The following ADAMTS17 variants were observed in gnomAD, a reference collection of about 807,000 sequenced individuals.
ADAMTS17 encodes ADAM metallopeptidase with thrombospondin type 1 motif 17, also known as A disintegrin and metalloproteinase with thrombospondin motifs 17.
ADAMTS17 carries 113 observed loss-of-function variants against 141.5 expected under a neutral mutation model. That is an observed-to-expected ratio of 0.80 (90% CI 0.69 to 0.93). The LOEUF is 0.93. Ranked by LOEUF, ADAMTS17 falls within the 40% of genes least tolerant of loss-of-function variation. The probability of loss-of-function intolerance (pLI) is 0.00; values close to 1 mark genes in which losing one functional copy is unlikely to be tolerated. For missense variants in ADAMTS17, 1,659 were observed against 1,517.9 expected (o/e 1.09, Z -1.54); for synonymous variants, 768 against 630.6 (o/e 1.22, Z -3.27).
At position 99,974,471 on chromosome 15, in the gene ADAMTS17, G is replaced by A. The variant is rs78682885; in HGVS notation, c.3219C>T (p.Tyr1073=). Residue 1073 remains tyrosine, a synonymous_variant, in exon 22 of 22, where the codon TAC becomes TAT. Transcript: ENST00000268070. ...EKNLCQDMRW[Y]QRCCQTCRDF... ...CCCTGCAGGTCTGGCAGCAGCGCTG[G>A]TACCACCGCATGTCCTGGCAGAGGT... is the stretch of plus-strand genomic sequence containing the variant. 4.6e-3 allele frequency: 7,421 copies of A among 1,614,172 alleles called. 288 individuals carry two copies. The African/African-American group carries it at 0.082, about 18-fold the overall frequency.
At chr15:100,285,821 C>A (rs2044428697) in intron 3 of ADAMTS17, among the ~76,000 whole-genome samples, 3 of 152,128 alleles carry the variant, frequency 2.0e-5, no homozygotes, top group Non-Finnish European at 4.4e-5. Flanking sequence ...GCCATGGATG[C>A]CCAGCCCCCA....
chr15:100,159,142 A>C (rs533064874), intron 8 of ADAMTS17, among the ~76,000 whole-genome samples: 1 of 152,358 alleles, frequency 6.6e-6, no homozygotes, highest in East Asian at 1.9e-4. Context: ...AAAAAATTGA[A>C]ACCAGAATCT....
At chr15:100,118,322 G>A (rs1307118220) in intron 12 of ADAMTS17, among the ~76,000 whole-genome samples, 1 of 152,206 alleles carries the variant, frequency 6.6e-6, no homozygotes, top group Non-Finnish European at 1.5e-5. Flanking sequence ...GCCAACTCCT[G>A]GTCTACCCAG....
At chr15:100,280,411 G>T (rs569645305) in intron 4 of ADAMTS17, among the ~76,000 whole-genome samples, 1 of 152,060 alleles carries the variant, frequency 6.6e-6, no homozygotes, top group South Asian at 2.1e-4. Flanking sequence ...ACTCACGCCA[G>T]CCCCAATGCT....
intron 8 of ADAMTS17, among the ~76,000 whole-genome samples, chr15:100,194,919 G>A (rs577448673): frequency 4.6e-5 from 7 of 152,270 alleles, no homozygotes; most frequent in South Asian, 4.1e-4. Flanking sequence ...GCTTTCTAAC[G>A]GCCACCGCAG....
At chr15:100,291,977 T>A (rs968941865) in intron 3 of ADAMTS17, among the ~76,000 whole-genome samples, 3 of 152,284 alleles carry the variant, frequency 2.0e-5, no homozygotes, top group African/African-American at 4.8e-5. Context: ...CAACTAAAGG[T>A]CAACACGGTA....
intron 2 of ADAMTS17, chr15:100,339,113 C>T (rs570367857): frequency 1.4e-5 from 14 of 985,494 alleles, no homozygotes; most frequent in Admixed American, 1.2e-4. Context: ...GAGGTACAAC[C>T]GCCACTGGCA....
At chr15:100,218,699 T>C (rs1180797980) in intron 7 of ADAMTS17, among the ~76,000 whole-genome samples, 1 of 152,168 alleles carries the variant, frequency 6.6e-6, no homozygotes, top group Admixed American at 6.5e-5. Flanking sequence ...AGAATTACCA[T>C]CTGATTCAAG....
At chr15:100,207,427 A>G (rs557692982) in intron 7 of ADAMTS17, among the ~76,000 whole-genome samples, 1 of 152,288 alleles carries the variant, frequency 6.6e-6, no homozygotes, top group African/African-American at 2.4e-5. Flanking sequence ...TAATACACCC[A>G]GAGTGCACCC....
At chr15:100,077,578 A>C (rs986903104) in intron 15 of ADAMTS17, among the ~76,000 whole-genome samples, 1 of 152,184 alleles carries the variant, frequency 6.6e-6, no homozygotes, top group Non-Finnish European at 1.5e-5. Flanking sequence ...CTCCTTCCTG[A>C]TAAAAATACT....
intron 8 of ADAMTS17, among the ~76,000 whole-genome samples, chr15:100,182,473 C>T (rs1325725482): frequency 2.0e-5 from 3 of 152,182 alleles, no homozygotes; most frequent in South Asian, 2.1e-4. Flanking sequence ...GTCTCACACT[C>T]GTTGTGCTAT....
At chr15:100,160,485 T>C (rs1375740859) in intron 8 of ADAMTS17, among the ~76,000 whole-genome samples, 2 of 152,194 alleles carry the variant, frequency 1.3e-5, no homozygotes, top group East Asian at 3.8e-4. Flanking sequence ...GCTTTCTCAG[T>C]AGACAACTTG....
At chr15:100,309,175 C>A (rs146303885) in intron 3 of ADAMTS17, among the ~76,000 whole-genome samples, 1 of 152,152 alleles carries the variant, frequency 6.6e-6, no homozygotes, top group Non-Finnish European at 1.5e-5. Flanking sequence ...CTGGGCAGCA[C>A]AGTGAGACCT....
intron 15 of ADAMTS17, among the ~76,000 whole-genome samples, chr15:100,087,659 T>C (rs1005625571): frequency 3.3e-5 from 5 of 152,156 alleles, no homozygotes; most frequent in Admixed American, 6.5e-5. Context: ...TGGGCTTCAT[T>C]CCTGGGATGC....
intron 20 of ADAMTS17, among the ~76,000 whole-genome samples, chr15:99,989,488 A>AC (rs1221722071): frequency 5.9e-5 from 9 of 152,144 alleles, no homozygotes; most frequent in Non-Finnish European, 1.3e-4. Flanking sequence ...AAACAATGCT[A>AC]CCCTGCCTGT....
chr15:100,167,546 C>T (rs998898180), intron 8 of ADAMTS17, among the ~76,000 whole-genome samples: 1 of 152,218 alleles, frequency 6.6e-6, no homozygotes, highest in East Asian at 1.9e-4. Flanking sequence ...GAGAAACCAC[C>T]GGGCTGCACT....
chr15:100,266,894 T>A (rs1439264029), intron 4 of ADAMTS17, among the ~76,000 whole-genome samples: 1 of 152,100 alleles, frequency 6.6e-6, no homozygotes, highest in Non-Finnish European at 1.5e-5. Context: ...CCTCCGGTGG[T>A]CCCTACTCTA....
At chr15:100,099,853 A>C (rs2035989142) in intron 14 of ADAMTS17, among the ~76,000 whole-genome samples, 1 of 152,234 alleles carries the variant, frequency 6.6e-6, no homozygotes, top group Non-Finnish European at 1.5e-5. Flanking sequence ...TTTAGTGCTC[A>C]GATCCGTGTG....
In ADAMTS17 at chr15:99,993,825, T is replaced by C. The variant is rs1443791510; in HGVS notation, c.2797-625A>G. ...AGAATGGTGACAGACGCATGGCCCC[T>C]GTGGTAGTTTACTTACTTGCAGGAG... On this transcript the variant is annotated intron_variant, in intron 19 of 21. Coordinates refer to ENST00000268070, the MANE Select transcript of ADAMTS17 (RefSeq NM_139057.4). The surrounding 1 kb of genome is among the most constrained non-coding windows in gnomAD (Gnocchi z 4.3). 9.9e-5 allele frequency among the ~76,000 whole-genome samples: 15 copies of C among 152,084 alleles called. No individual in the cohort carries two copies. Among genetic ancestry groups the C allele is most frequent in the Admixed American group, 9.8e-4 (15 of 15,268 alleles).
Sources: gnomAD v4.1 joint callset for allele counts (sites outside exome capture counted in the v4.1 genomes callset) on GRCh38, gnomAD v4.1.1 for gene constraint, Gnocchi (gnomAD v3.1) non-coding constraint, MANE v1.5 for transcripts, NCBI Gene and HGNC (gene_info 2026-07-23, HGNC 2026-07-21) for gene names.